Variants in BSDC1 observed in about 807,000 individuals in gnomAD.
BSDC1 encodes the protein BSD domain-containing protein 1.
BSDC1 carries 29 observed loss-of-function variants against 56.0 expected under a neutral mutation model. That is an observed-to-expected ratio of 0.52 (90% CI 0.39 to 0.71). The LOEUF (loss-of-function observed/expected upper bound fraction) is 0.71. Among genes scored for constraint, BSDC1 ranks in the 30% least tolerant of loss-of-function variants. The pLI, the probability that BSDC1 is intolerant of heterozygous loss-of-function variation, is 0.00. For synonymous variants in BSDC1, 210 were observed against 215.3 expected (o/e 0.98, Z 0.21); for missense variants, 477 against 548.5 (o/e 0.87, Z 1.30).
At chr1:32,368,827 T>C (rs571537021) in intron 9 of BSDC1, among the ~76,000 whole-genome samples, 3 of 152,038 alleles carry the variant, frequency 2.0e-5, no homozygotes, top group Non-Finnish European at 2.9e-5. Context: ...GCCTCCCAAG[T>C]AGCTGGGACT....
rs749029565 is a variant in BSDC1, at chr1:32,368,478, A to G, written c.1229T>C (p.Met410Thr). ...GGAGGCATCCACTTTGGAAAGTGCCATCTGCACCTCCTCTTCAGTCATGTC... is the reference window on the plus strand; with the variant it reads ...GGAGGCATCCACTTTGGAAAGTGCCGTCTGCACCTCCTCTTCAGTCATGTC... ...DLDMTEEEVQ[M>T]ALSKVDASGE... Residue 410 changes from methionine to threonine, a missense_variant, in exon 10 of 11, where the codon ATG becomes ACG. By Grantham distance (81) the Met-to-Thr change is moderately conservative. Coordinates refer to ENST00000455895, the MANE Select transcript of BSDC1 (RefSeq NM_018045.8). 1.8e-5 allele frequency: 29 copies of G among 1,613,990 alleles called. No homozygotes were observed. In the Middle Eastern group the frequency reaches 6.6e-4, roughly 37 times the overall value.
intron 2 of BSDC1, among the ~76,000 whole-genome samples, chr1:32,390,367 G>A (rs1431666477): frequency 6.6e-6 from 1 of 152,226 alleles, no homozygotes; most frequent in Non-Finnish European, 1.5e-5. Flanking sequence ...ACTGGTTCAA[G>A]ATACAGGAGA....
At position 32,394,063 on chromosome 1, in the gene BSDC1, G is replaced by A; in HGVS notation, c.72+17C>T. The A allele has an allele frequency of 6.2e-7, 1 of 1,604,646 alleles. No homozygotes were observed. Among genetic ancestry groups the A allele is most frequent in the Non-Finnish European group, 8.5e-7 (1 of 1,176,068 alleles). On this transcript the variant is annotated intron_variant, in intron 2 of 10. Transcript: ENST00000455895. ...GCAGGGCCCTGCTGAGGGAAGAAGG[G>A]CACGGGCCCGGCTTACCTTCTCTTT...
In BSDC1 at chr1:32,378,419, T is replaced by C; in HGVS notation, c.529-136A>G. 1.2e-6 allele frequency: 1 copy of C among 852,228 alleles called. No homozygotes were observed. The highest frequency in any genetic ancestry group is 1.9e-6 in the Non-Finnish European group (1 of 529,870). 52.8% of individuals were successfully genotyped at this position (852,228 alleles called of 1,614,324 possible). A position where few individuals can be genotyped will look rare whatever the true frequency, so the allele number is the denominator to read the frequency against. On this transcript the variant is annotated intron_variant, in intron 6 of 10. Coordinates refer to ENST00000455895, the MANE Select transcript of BSDC1 (RefSeq NM_018045.8). The surrounding 1 kb of genome is among the most constrained non-coding windows in gnomAD (Gnocchi z 5.2). ...GGCTTAGCAGTGACAGTCAGAGCAC[T>C]TCCACCCCCACCAAAGTTTCAGCCA...
Position 32,394,066 on chromosome 1 carries a change from C to T in BSDC1, c.72+14G>A. ...GGGCCCTGCTGAGGGAAGAAGGGCACGGGCCCGGCTTACCTTCTCTTTGAC... is the reference window on the plus strand; with the variant it reads ...GGGCCCTGCTGAGGGAAGAAGGGCATGGGCCCGGCTTACCTTCTCTTTGAC... On this transcript the variant is annotated intron_variant, in intron 2 of 10. Coordinates refer to ENST00000455895, the MANE Select transcript of BSDC1 (RefSeq NM_018045.8). 6.2e-7 allele frequency: 1 copy of T among 1,605,072 alleles called. No homozygotes were observed. Among genetic ancestry groups the T allele is most frequent in the Non-Finnish European group, 8.5e-7 (1 of 1,176,184 alleles).
intron 10 of BSDC1, chr1:32,367,779 G>T: frequency 1.1e-6 from 1 of 905,014 alleles, no homozygotes; most frequent in Non-Finnish European, 1.3e-6. Flanking sequence ...TGTCTCCTGA[G>T]TGCTGGTCAC....
At chr1:32,369,320 G>A (rs1163507997) in intron 9 of BSDC1, 6 of 1,289,242 alleles carry the variant, frequency 4.7e-6, no homozygotes, top group African/African-American at 1.5e-5. Flanking sequence ...GAAATCAACA[G>A]TGAACTGAGA....
chr1:32,387,864 C>T (rs767624076), intron 2 of BSDC1, among the ~76,000 whole-genome samples: 2 of 152,138 alleles, frequency 1.3e-5, no homozygotes, highest in Non-Finnish European at 2.9e-5. Flanking sequence ...TTACATTCAA[C>T]AAAGGAGGAA....
chr1:32,372,141 A>G (rs1642115591), intron 9 of BSDC1, among the ~76,000 whole-genome samples: 1 of 152,222 alleles, frequency 6.6e-6, no homozygotes, highest in Admixed American at 6.5e-5. Context: ...ATGGCTATGT[A>G]ATGAATGGTG....
intron 9 of BSDC1, among the ~76,000 whole-genome samples, chr1:32,375,836 G>C (rs1175746495): frequency 6.6e-6 from 1 of 152,228 alleles, no homozygotes; most frequent in Non-Finnish European, 1.5e-5. Context: ...AATTGGCACA[G>C]TGTGCTAGTT....
chr1:32,377,504 A>G (rs1642335734), intron 8 of BSDC1, among the ~76,000 whole-genome samples: 4 of 152,276 alleles, frequency 2.6e-5, no homozygotes, highest in East Asian at 1.9e-4. Context: ...CGTTAATATT[A>G]TATCATCCAG....
intron 1 of BSDC1, 87 bp from the exon 2 acceptor site, chr1:32,394,227 T>G (rs559089354): frequency 3.8e-6 from 6 of 1,565,952 alleles, no homozygotes; most frequent in Non-Finnish European, 5.2e-6. Flanking sequence ...AGATGTACCC[T>G]GCGGGCCGAG....
At position 32,387,478 on chromosome 1, in the gene BSDC1, A is replaced by G. The variant is rs554553362; in HGVS notation, c.73-583T>C. ...TGCCTCAGCCTCCCGAGTAGCTGGGATTACAGGCATGCGCCACCACGCCCA... is the reference window on the plus strand; with the variant it reads ...TGCCTCAGCCTCCCGAGTAGCTGGGGTTACAGGCATGCGCCACCACGCCCA... On this transcript the variant is annotated intron_variant, in intron 2 of 10. Coordinates refer to ENST00000455895, the MANE Select transcript of BSDC1 (RefSeq NM_018045.8). 3.3e-5 allele frequency among the ~76,000 whole-genome samples: 5 copies of G among 152,078 alleles called. No homozygotes were observed. The South Asian group carries it at 1.0e-3, about 32-fold the overall frequency.
At chr1:32,370,529 C>A (rs759342038) in intron 9 of BSDC1, among the ~76,000 whole-genome samples, 1 of 151,616 alleles carries the variant, frequency 6.6e-6, no homozygotes. Context: ...TGTCGCCGGG[C>A]GTGGTGGCTC....
chr1:32,378,346 G>C lies in BSDC1; in HGVS notation c.529-63C>G. 3 of 1,483,850 alleles carry C rather than the reference G, an allele frequency of 2.0e-6. No homozygotes were observed. Among genetic ancestry groups the C allele is most frequent in the Non-Finnish European group, 2.8e-6 (3 of 1,063,512 alleles). 91.9% of individuals were successfully genotyped at this position (1,483,850 alleles called of 1,614,324 possible). On this transcript the variant is annotated intron_variant, in intron 6 of 10. Coordinates refer to ENST00000455895, the MANE Select transcript of BSDC1 (RefSeq NM_018045.8). This position sits in a 1 kb window ranked among gnomAD's most constrained non-coding sequence, Gnocchi z 5.2. ...TGTTTGTGTGGGGTCTGTGTCCCCA[G>C]CCTTATCAGTCTATTCCCAGCCAGT... is the stretch of plus-strand genomic sequence containing the variant.
intron 2 of BSDC1, among the ~76,000 whole-genome samples, chr1:32,392,693 G>A (rs1642908040): frequency 2.0e-5 from 3 of 152,220 alleles, no homozygotes; most frequent in Admixed American, 2.0e-4. Flanking sequence ...AACATAAACA[G>A]CTCAGGGCAT....
chr1:32,387,529 T>C (rs907427920), intron 2 of BSDC1, among the ~76,000 whole-genome samples: 10 of 152,064 alleles, frequency 6.6e-5, no homozygotes, highest in Non-Finnish European at 1.5e-4. Context: ...TTAGTAGAGA[T>C]GGGGTTTCTC....
chr1:32,376,448 C>A lies in BSDC1; in HGVS notation c.970G>T (p.Gly324Cys), dbSNP rs1642288368. Reference protein sequence around the residue: ...LEEQGLAVDVGETGPSPPIHS... With the variant: ...LEEQGLAVDVCETGPSPPIHS... ...ATAGGGGGTGAGGGTCCAGTCTCAC[C>A]CACATCCACAGCCAGGCCCTGTTCC... The change falls in exon 9 of 11, where the codon GGT becomes TGT. Residue 324 changes from glycine to cysteine, a missense_variant. Gly to Cys is a radical substitution (Grantham distance 159). Transcript: ENST00000455895. 6.2e-7 allele frequency: 1 copy of A among 1,612,912 alleles called. No homozygotes were observed. The highest frequency in any genetic ancestry group is 8.5e-7 in the Non-Finnish European group (1 of 1,179,198).
intron 9 of BSDC1, chr1:32,369,183 G>T: frequency 1.9e-6 from 2 of 1,041,218 alleles, no homozygotes; most frequent in Non-Finnish European, 2.6e-6. Context: ...TAGAGGTTAG[G>T]CTGGAGAAGA....
Sources: allele counts gnomAD v4.1 joint callset (sites outside exome capture counted in the v4.1 genomes callset), GRCh38; gene constraint gnomAD v4.1.1; non-coding constraint Gnocchi (gnomAD v3.1); transcripts MANE v1.5; gene names NCBI Gene and HGNC (gene_info 2026-07-23, HGNC 2026-07-21).